The following TBXAS1 variants were observed in gnomAD, a reference collection of about 807,000 sequenced individuals.
The protein encoded by TBXAS1 is thromboxane A synthase 1, also known as thromboxane-A synthase.
In TBXAS1, 48 loss-of-function variants were observed where a neutral mutation model predicts 60.7. That is an observed-to-expected ratio of 0.79 (90% CI 0.63 to 1.01). TBXAS1 has a LOEUF of 1.01. TBXAS1 is among the 50% of genes least tolerant of loss of function. The pLI is 0.00. For synonymous variants in TBXAS1, 287 were observed against 269.7 expected (o/e 1.06, Z -0.63); for missense variants, 685 against 686.3 (o/e 1.00, Z 0.02).
At chr7:139,990,088 A>G (rs1812775615) in intron 9 of TBXAS1, among the ~76,000 whole-genome samples, 1 of 151,984 alleles carries the variant, frequency 6.6e-6, no homozygotes, top group South Asian at 2.1e-4. Flanking sequence ...CACAAGTGAA[A>G]CTCACCTGGT....
At chr7:139,880,070 G>C (rs1012109604) in intron 3 of TBXAS1, among the ~76,000 whole-genome samples, 2 of 152,116 alleles carry the variant, frequency 1.3e-5, no homozygotes, top group Non-Finnish European at 2.9e-5. Flanking sequence ...TTTTGGTAAA[G>C]ACGGGGCTTC....
At chr7:139,880,098 G>T (rs1295977359) in intron 3 of TBXAS1, among the ~76,000 whole-genome samples, 1 of 152,098 alleles carries the variant, frequency 6.6e-6, no homozygotes, top group Non-Finnish European at 1.5e-5. Flanking sequence ...CGGCCAGGCT[G>T]GTCTCAACTC....
rs55681043 is a variant in TBXAS1 at position 139,809,233 on chromosome 7, TGATAGATA to T, written c.-79-20048_-79-20041del. Among the ~76,000 whole-genome samples, 455 of 131,044 alleles carry T rather than the reference TGATAGATA, an allele frequency of 3.5e-3. 2 individuals carry two copies. Among genetic ancestry groups the T allele is most frequent in the South Asian group, 0.012 (52 of 4,166 alleles). The allele number at this position is 131,044 out of a possible 152,430, so 86.0% of individuals were successfully genotyped here. On this transcript the variant is annotated intron_variant, in intron 4 of 16. Coordinates refer to the TBXAS1 transcript ENST00000336425. ...ATAGATAGATAGATAGATAGATAGA[TGATAGATA>T]GATAGATAGATAGATAGATAGATAG...
At chr7:139,843,978 A>G (rs956334928) in intron 1 of TBXAS1, among the ~76,000 whole-genome samples, 2 of 152,228 alleles carry the variant, frequency 1.3e-5, no homozygotes, top group African/African-American at 4.8e-5. Context: ...GATTCATGCA[A>G]TCGTCGAATG....
chr7:139,868,782 G>A (rs1160136449), intron 1 of TBXAS1, among the ~76,000 whole-genome samples: 2 of 150,394 alleles, frequency 1.3e-5, no homozygotes, highest in South Asian at 2.1e-4. Context: ...TTAGCCTCCC[G>A]AGTAGTTGGG....
At chr7:139,823,328 C>T (rs374198011) in intron 4 of TBXAS1, among the ~76,000 whole-genome samples, 20 of 152,082 alleles carry the variant, frequency 1.3e-4, no homozygotes, top group African/African-American at 4.1e-4. Flanking sequence ...CTGGGATTCT[C>T]ATCTACTGCC....
At chr7:139,986,755 A>ATG (rs72102720) in intron 9 of TBXAS1, among the ~76,000 whole-genome samples, 10 of 79,736 alleles carry the variant, frequency 1.3e-4, no homozygotes, top group Non-Finnish European at 1.6e-4. Flanking sequence ...ATATATATAT[A>ATG]TGTGTGTGTG....
chr7:139,991,672 G>T (rs956851608), intron 9 of TBXAS1, among the ~76,000 whole-genome samples: 2 of 152,192 alleles, frequency 1.3e-5, no homozygotes, highest in Non-Finnish European at 2.9e-5. Context: ...CATAAACAGA[G>T]AATCGTTTTA....
At chr7:139,792,300 A>G (rs76824302) in intron 4 of TBXAS1, among the ~76,000 whole-genome samples, 2,194 of 152,298 alleles carry the variant, frequency 0.014, 53 homozygotes, top group African/African-American at 0.05. Flanking sequence ...TAGAGTTACC[A>G]AAACCACAAG....
At chr7:139,882,799 G>A (rs188754684) in intron 3 of TBXAS1, among the ~76,000 whole-genome samples, 13 of 152,172 alleles carry the variant, frequency 8.5e-5, no homozygotes, top group East Asian at 1.9e-4. Flanking sequence ...GTGCATTGCC[G>A]TTCCCAATAA....
At chr7:139,870,846 T>A (rs1258669484) in intron 1 of TBXAS1, among the ~76,000 whole-genome samples, 1 of 152,192 alleles carries the variant, frequency 6.6e-6, no homozygotes, top group African/African-American at 2.4e-5. Context: ...CCCAGCACTT[T>A]GGGAGGCCAA....
At chr7:139,912,236 G>A (rs912256882) in intron 4 of TBXAS1, among the ~76,000 whole-genome samples, 2 of 151,962 alleles carry the variant, frequency 1.3e-5, no homozygotes, top group Non-Finnish European at 2.9e-5. Flanking sequence ...CGACAGAGAC[G>A]CTGTCTCAAA....
chr7:139,882,821 A>G (rs192669897), intron 3 of TBXAS1, among the ~76,000 whole-genome samples: 4 of 152,266 alleles, frequency 2.6e-5, no homozygotes, highest in African/African-American at 9.6e-5. Flanking sequence ...GTGAATCTGA[A>G]AGCAAAATTC....
Position 140,004,865 on chromosome 7 carries a change from C to T in TBXAS1, c.1135-2226C>T, listed in dbSNP as rs1813943860. 1.3e-5 allele frequency among the ~76,000 whole-genome samples: 2 copies of T among 152,342 alleles called. No homozygotes were observed. Among genetic ancestry groups the T allele is most frequent in the African/African-American group, 2.4e-5 (1 of 41,586 alleles). ...CCCCCATCGAGAAACAGCCTCCGGC[C>T]GGCCCCGCCACATACACTGTGTGCT... On this transcript the variant is annotated intron_variant, in intron 9 of 12. Transcript: ENST00000448866. This position sits in a 1 kb window ranked among gnomAD's most constrained non-coding sequence, Gnocchi z 5.1.
intron 4 of TBXAS1, among the ~76,000 whole-genome samples, chr7:139,799,006 C>A (rs938540623): frequency 1.3e-5 from 2 of 152,048 alleles, no homozygotes; most frequent in African/African-American, 2.4e-5. Flanking sequence ...CTCCACCTGC[C>A]GTCAGACATT....
intron 4 of TBXAS1, among the ~76,000 whole-genome samples, chr7:139,925,463 A>G (rs1422837374): frequency 1.3e-5 from 2 of 152,156 alleles, no homozygotes; most frequent in Non-Finnish European, 2.9e-5. Context: ...GTTGGCATAT[A>G]GAAATGCTAC....
intron 4 of TBXAS1, among the ~76,000 whole-genome samples, chr7:139,818,155 G>A (rs1048306395): frequency 4.6e-5 from 7 of 152,152 alleles, no homozygotes; most frequent in African/African-American, 1.4e-4. Context: ...GACACGGATC[G>A]ACAATGGATC....
chr7:139,956,661 T>C (rs528547669), intron 7 of TBXAS1, among the ~76,000 whole-genome samples: 60 of 152,374 alleles, frequency 3.9e-4, no homozygotes, highest in African/African-American at 1.2e-3. Context: ...CCTCACTGGC[T>C]CCGCCCTGAA....
intron 4 of TBXAS1, among the ~76,000 whole-genome samples, chr7:139,919,419 T>C (rs2117093447): frequency 6.6e-6 from 1 of 152,350 alleles, no homozygotes. Context: ...TTGGAGTCCT[T>C]AGAAGCACCT....
Sources: gnomAD v4.1 joint callset for allele counts (sites outside exome capture counted in the v4.1 genomes callset) on GRCh38, gnomAD v4.1.1 for gene constraint, Gnocchi (gnomAD v3.1) non-coding constraint, MANE v1.5 for transcripts, NCBI Gene and HGNC (gene_info 2026-07-23, HGNC 2026-07-21) for gene names.